Variants in SENP6 observed in about 807,000 individuals in gnomAD.
The protein encoded by SENP6 is SUMO specific peptidase 6, also known as sentrin-specific protease 6.
A neutral mutation model predicts 134.5 loss-of-function variants in SENP6; 41 were observed. The ratio of observed to expected loss-of-function variants is 0.30; its 90% confidence interval spans 0.24 to 0.40. The LOEUF is 0.40. SENP6 is among the 10% of genes least tolerant of loss of function. The pLI is 1.00. For synonymous variants in SENP6, 395 were observed against 429.8 expected (o/e 0.92, Z 1.00); for missense variants, 1,248 against 1,312.5 (o/e 0.95, Z 0.76).
intron 1 of SENP6, among the ~76,000 whole-genome samples, chr6:75,608,529 A>G (rs1200077625): frequency 6.6e-6 from 1 of 152,046 alleles, no homozygotes; most frequent in Non-Finnish European, 1.5e-5. Context: ...AAAGAAGGAA[A>G]GAGAGGAAGG....
At chr6:75,624,003 A>C in intron 3 of SENP6, 43 bp downstream of exon 3, 2 of 1,458,232 alleles carry the variant, frequency 1.4e-6, no homozygotes, top group Non-Finnish European at 1.9e-6. Context: ...CATTATATAC[A>C]AAAAAATTGT....
At chr6:75,604,487 C>T (rs1046277003) in intron 1 of SENP6, among the ~76,000 whole-genome samples, 5 of 151,688 alleles carry the variant, frequency 3.3e-5, no homozygotes, top group African/African-American at 9.7e-5. Context: ...AAAAATTAGC[C>T]GTGTGTGGTT....
At chr6:75,633,859 C>T (rs1295118976) in intron 4 of SENP6, 133 bp downstream of exon 4, 21 of 588,350 alleles carry the variant, frequency 3.6e-5, no homozygotes, top group Middle Eastern at 8.2e-4. Flanking sequence ...GTAGCATGGT[C>T]CCAGTATGTG....
intron 1 of SENP6, among the ~76,000 whole-genome samples, chr6:75,607,571 C>G (rs933326029): frequency 1.7e-4 from 25 of 151,510 alleles, no homozygotes; most frequent in African/African-American, 5.8e-4. Flanking sequence ...CAAGTGAATT[C>G]CTTCTCCTAT....
intron 10 of SENP6, among the ~76,000 whole-genome samples, chr6:75,667,879 A>G (rs770565424): frequency 6.6e-6 from 1 of 152,174 alleles, no homozygotes; most frequent in Non-Finnish European, 1.5e-5. Flanking sequence ...TATATCAGTG[A>G]CTTTTAGGAG....
At chr6:75,669,779 T>A (rs780312607) in intron 10 of SENP6, among the ~76,000 whole-genome samples, 1 of 152,222 alleles carries the variant, frequency 6.6e-6, no homozygotes, top group Non-Finnish European at 1.5e-5. Context: ...TTAATTCAAG[T>A]ATCACTGCCA....
intron 7 of SENP6, among the ~76,000 whole-genome samples, chr6:75,649,705 C>T (rs964177985): frequency 2.0e-5 from 3 of 152,020 alleles, no homozygotes; most frequent in African/African-American, 4.8e-5. Context: ...TTAATAGAGA[C>T]GAAGTTTCAC....
chr6:75,609,616 G>A (rs1050191833), intron 1 of SENP6, among the ~76,000 whole-genome samples: 1 of 152,150 alleles, frequency 6.6e-6, no homozygotes, highest in Non-Finnish European at 1.5e-5. Context: ...CAACAGTCAT[G>A]TGGTATTTTA....
intron 1 of SENP6, among the ~76,000 whole-genome samples, chr6:75,604,599 A>G (rs2149815175): frequency 1.3e-5 from 2 of 150,670 alleles, no homozygotes; most frequent in Middle Eastern, 7.0e-3. Flanking sequence ...CACTCCAGCC[A>G]GGGCAACTGA....
rs1438968301 is a variant in SENP6 at position 75,634,693 on chromosome 6, T to G, written c.354-14T>G. 1 of 1,450,564 alleles carries G rather than the reference T, an allele frequency of 6.9e-7. No homozygotes were observed. The highest frequency in any genetic ancestry group is 1.8e-4 in the Middle Eastern group (1 of 5,610). The allele number at this position is 1,450,564 out of a possible 1,614,324, so 89.9% of individuals were successfully genotyped here. Reference sequence around the variant, plus strand: ...TTCCGTGTTCAAGTTATTTTTTGTTTCTTGAATCTGCAGTGAAAATACGCA... The same window carrying G: ...TTCCGTGTTCAAGTTATTTTTTGTTGCTTGAATCTGCAGTGAAAATACGCA... On this transcript the variant is annotated splice_polypyrimidine_tract_variant and intron_variant, in intron 4 of 23. Transcript: ENST00000447266.
At position 75,695,814 on chromosome 6, in the gene SENP6, C is replaced by T; in HGVS notation, c.2086C>T (p.Leu696Phe). The T allele has an allele frequency of 6.3e-7, 1 of 1,586,044 alleles. No individual in the cohort carries two copies. The highest frequency in any genetic ancestry group is 8.6e-7 in the Non-Finnish European group (1 of 1,166,594). Reference protein sequence around the residue: ...IIDFYLKYLVLEKLKKEDADR... With the variant: ...IIDFYLKYLVFEKLKKEDADR... ...TTTTCTATCAAATAGATACTTGGTGCTTGAAAAACTGAAGAAGGAAGACGC... is the reference window on the plus strand; with the variant it reads ...TTTTCTATCAAATAGATACTTGGTGTTTGAAAAACTGAAGAAGGAAGACGC... Residue 696 changes from leucine to phenylalanine, a missense_variant, in exon 17 of 24, where the codon CTT (leucine) becomes TTT (phenylalanine). Physicochemically the swap from Leu to Phe is conservative, Grantham distance 22 (BLOSUM62 0). This residue lies in a region of SENP6 where 129 missense variants were observed against 192.0 expected (regional missense o/e 0.67). Transcript: ENST00000447266.
chr6:75,627,663 ACACATATGTAG>A (rs1157709351), intron 3 of SENP6, among the ~76,000 whole-genome samples: 1 of 152,134 alleles, frequency 6.6e-6, no homozygotes, highest in Non-Finnish European at 1.5e-5. Flanking sequence ...GTCTTCATGT[ACACATATGTAG>A]CTTTCAGATT....
chr6:75,649,565 T>G (rs1255407664), intron 7 of SENP6, among the ~76,000 whole-genome samples: 1 of 152,180 alleles, frequency 6.6e-6, no homozygotes, highest in Non-Finnish European at 1.5e-5. Flanking sequence ...TAGCCCAGGC[T>G]GGAAGGCAGT....
intron 5 of SENP6, 106 bp downstream of exon 5, chr6:75,634,917 C>G: frequency 1.4e-6 from 1 of 717,186 alleles, no homozygotes; most frequent in Non-Finnish European, 2.5e-6. Flanking sequence ...ACTGTTTTCA[C>G]TGTCTGTAGA....
chr6:75,637,165 G>T (rs1561990742), intron 5 of SENP6, among the ~76,000 whole-genome samples: 1 of 152,112 alleles, frequency 6.6e-6, no homozygotes, highest in Non-Finnish European at 1.5e-5. Flanking sequence ...CCTGAGCACT[G>T]CACCTGTCTC....
At chr6:75,663,058 A>T (rs1482464676) in intron 8 of SENP6, among the ~76,000 whole-genome samples, 163 bp from the exon 9 acceptor site, 1 of 152,200 alleles carries the variant, frequency 6.6e-6, no homozygotes, top group Non-Finnish European at 1.5e-5. Context: ...CTTAATTTTG[A>T]GACTTTGAGG....
chr6:75,609,195 C>T (rs1582650608), intron 1 of SENP6, among the ~76,000 whole-genome samples: 1 of 152,210 alleles, frequency 6.6e-6, no homozygotes. Flanking sequence ...TCCTTCCTCT[C>T]CCTTTCTCCC....
At chr6:75,635,009 A>C (rs1029280742) in intron 5 of SENP6, 198 bp downstream of exon 5, 1 of 649,778 alleles carries the variant, frequency 1.5e-6, no homozygotes, top group African/African-American at 1.8e-5. Flanking sequence ...CTGTAAATAG[A>C]GAATTTTTCA....
At chr6:75,636,887 T>G (rs1317350199) in intron 5 of SENP6, among the ~76,000 whole-genome samples, 1 of 151,530 alleles carries the variant, frequency 6.6e-6, no homozygotes, top group African/African-American at 2.4e-5. Context: ...TTTTTTTTTT[T>G]TTTTAATTAT....
Sources: allele counts gnomAD v4.1 joint callset (sites outside exome capture counted in the v4.1 genomes callset), GRCh38; gene constraint gnomAD v4.1.1; regional missense constraint gnomAD v4.1.1; transcripts MANE v1.5; gene names NCBI Gene and HGNC (gene_info 2026-07-23, HGNC 2026-07-21).